The following TAC4 variants were observed in gnomAD, a reference collection of about 807,000 sequenced individuals.
TAC4 encodes the protein tachykinin-4.
TAC4 carries 17 observed loss-of-function variants against 17.7 expected under a neutral mutation model. That is an observed-to-expected ratio of 0.96 (90% CI 0.66 to 1.44). TAC4 has a LOEUF of 1.44. TAC4 is among the 40% of genes most tolerant of loss of function. The pLI is 0.00. For missense variants in TAC4, 118 were observed against 125.6 expected (o/e 0.94, Z 0.29); for synonymous variants, 62 against 52.4 (o/e 1.18, Z -0.79).
chr17:49,846,161 C>T lies in TAC4; in HGVS notation c.105+1752G>A, dbSNP rs561126511. ...CTCCGACAGGACTCCTGCCCCCAGC[C>T]GGAGCCCTCCATATCCATTTAACCC... On this transcript the variant is annotated intron_variant, in intron 1 of 4. Coordinates refer to ENST00000436235, the MANE Select transcript of TAC4 (RefSeq NM_001077506.2). The T allele has an allele frequency of 5.2e-5, 66 of 1,266,854 alleles. No homozygotes were observed. The Admixed American group carries it at 7.0e-4, about 13-fold the overall frequency. The allele number at this position is 1,266,854 out of a possible 1,614,324, so 78.5% of individuals were successfully genotyped here.
At chr17:49,840,651 C>T (rs539484085) in intron 3 of TAC4, among the ~76,000 whole-genome samples, 11 of 151,418 alleles carry the variant, frequency 7.3e-5, no homozygotes, top group South Asian at 2.1e-4. Context: ...GACAGGCACC[C>T]GCCACCACAC....
In TAC4 at chr17:49,838,628, TGTG is replaced by T; in HGVS notation, c.*11_*13del. On this transcript the variant is annotated 3_prime_UTR_variant, in exon 5 of 5. Transcript: ENST00000436235. The stretch of plus-strand genomic sequence containing the variant: ...GCGGCACCGTGTCCTCTGGGAAGTC[TGTG>T]GTGGGGGCTTTTACTCTGAACCTTG... 1 of 1,613,620 alleles carries T rather than the reference TGTG, an allele frequency of 6.2e-7. No homozygotes were observed. The highest frequency in any genetic ancestry group is 8.5e-7 in the Non-Finnish European group (1 of 1,179,814).
intron 3 of TAC4, 127 bp from the exon 4 acceptor site, chr17:49,840,036 G>A (rs2074485439): frequency 2.7e-6 from 2 of 749,906 alleles, no homozygotes; most frequent in South Asian, 3.8e-5. Flanking sequence ...TTGCAAATGG[G>A]ATCATTTCTC....
At chr17:49,845,642 A>G (rs1282108005) in intron 1 of TAC4, among the ~76,000 whole-genome samples, 2 of 152,174 alleles carry the variant, frequency 1.3e-5, no homozygotes, top group African/African-American at 4.8e-5. Flanking sequence ...GCCCTAGAGT[A>G]ATGCGAGCCG....
intron 1 of TAC4, chr17:49,847,110 T>A (rs1044306551): frequency 2.4e-5 from 31 of 1,289,738 alleles, no homozygotes; most frequent in Admixed American, 6.9e-5. Flanking sequence ...TCCGAGGACC[T>A]CATCGTGGCC....
chr17:49,846,937 G>A, intron 1 of TAC4: 6 of 1,284,676 alleles, frequency 4.7e-6, no homozygotes, highest in Non-Finnish European at 6.1e-6. Context: ...TGCAGGTGAG[G>A]AAACTGATGT....
intron 1 of TAC4, chr17:49,846,802 G>C (rs113905198): frequency 4.2e-6 from 2 of 471,752 alleles, no homozygotes; most frequent in Admixed American, 7.5e-5. Flanking sequence ...ATGGGGCTGC[G>C]TAGTGAGGCC....
intron 3 of TAC4, 109 bp downstream of exon 3, chr17:49,841,443 G>T: frequency 8.4e-7 from 1 of 1,188,670 alleles, no homozygotes; most frequent in Non-Finnish European, 1.1e-6. Flanking sequence ...TGCCAGCCTG[G>T]CTTGCCCCTG....
At chr17:49,840,063 G>A (rs1435119835) in intron 3 of TAC4, among the ~76,000 whole-genome samples, 154 bp from the exon 4 acceptor site, 1 of 152,232 alleles carries the variant, frequency 6.6e-6, no homozygotes, top group African/African-American at 2.4e-5. Context: ...CCCGAGAGGC[G>A]AGGAAACACC....
chr17:49,838,696 A>C (rs944618969), intron 4 of TAC4, 23 bp from the exon 5 acceptor site: 1 of 1,609,890 alleles, frequency 6.2e-7, no homozygotes, highest in Non-Finnish European at 8.5e-7. Flanking sequence ...TGGTATATGA[A>C]CCATGGTTAG....
rs77289806 is a variant in TAC4 at position 49,846,723 on chromosome 17, C to T, written c.105+1190G>A. Among the ~76,000 whole-genome samples the T allele has an allele frequency of 2.4e-3, 360 of 152,268 alleles. 2 individuals are homozygous for T. The highest frequency in any genetic ancestry group is 8.5e-3 in the African/African-American group (351 of 41,536). On this transcript the variant is annotated intron_variant, in intron 1 of 4. Transcript: ENST00000436235. ...GAGTGAAAGGAGAGTAAGGATTAGA[C>T]CCAGCTGCAGGATGAGGTGCTTTTG... is the stretch of plus-strand genomic sequence containing the variant.
intron 3 of TAC4, among the ~76,000 whole-genome samples, chr17:49,840,722 C>T (rs552632733): frequency 1.3e-5 from 2 of 151,918 alleles, no homozygotes; most frequent in East Asian, 3.9e-4. Flanking sequence ...AGGCTGGTCT[C>T]GAACTCCTGA....
chr17:49,847,672 CACACACACACACACACACAG>C (rs1168447450), intron 1 of TAC4: 25 of 294,838 alleles, frequency 8.5e-5, no homozygotes, highest in East Asian at 5.8e-4. Flanking sequence ...GTATTTCTTA[CACACACACACACACACACAG>C]ACACACACAC....
At chr17:49,847,884 C>T in intron 1 of TAC4, 29 bp downstream of exon 1, 1 of 1,613,614 alleles carries the variant, frequency 6.2e-7, no homozygotes, top group Middle Eastern at 1.7e-4. Context: ...AGAGCCTCTC[C>T]CCAAAAGTAC....
At chr17:49,841,376 A>T (rs1436725621) in intron 3 of TAC4, among the ~76,000 whole-genome samples, 176 bp downstream of exon 3, 1 of 151,818 alleles carries the variant, frequency 6.6e-6, no homozygotes, top group African/African-American at 2.4e-5. Flanking sequence ...CCTCTTAAGG[A>T]AACAACCAGA....
chr17:49,846,157 C>T lies in TAC4; in HGVS notation c.105+1756G>A, dbSNP rs547346335. 55 of 1,257,432 alleles carry T rather than the reference C, an allele frequency of 4.4e-5. No individual in the cohort carries two copies. In the East Asian group the frequency reaches 1.1e-3, roughly 26 times the overall value. 77.9% of individuals were successfully genotyped at this position (1,257,432 alleles called of 1,614,324 possible). A position where few individuals can be genotyped will look rare whatever the true frequency, so the allele number is the denominator to read the frequency against. On this transcript the variant is annotated intron_variant, in intron 1 of 4. Transcript: ENST00000436235. ...TTCACTCCGACAGGACTCCTGCCCCCAGCCGGAGCCCTCCATATCCATTTA... is the reference window on the plus strand; with the variant it reads ...TTCACTCCGACAGGACTCCTGCCCCTAGCCGGAGCCCTCCATATCCATTTA...
At chr17:49,844,586 C>T (rs902205322) in intron 1 of TAC4, among the ~76,000 whole-genome samples, 8 of 151,990 alleles carry the variant, frequency 5.3e-5, no homozygotes, top group South Asian at 2.1e-4. Context: ...GGTGAAACCC[C>T]GTCTCTAATA....
chr17:49,841,432 A>G (rs978688895), intron 3 of TAC4, 120 bp downstream of exon 3: 1 of 1,090,066 alleles, frequency 9.2e-7, no homozygotes, highest in South Asian at 1.9e-5. Flanking sequence ...CTGCACAGCA[A>G]TGCCAGCCTG....
At position 49,838,569 on chromosome 17, in the gene TAC4, C is replaced by T. The variant is rs917454319; in HGVS notation, c.*73G>A. 17 of 1,592,236 alleles carry T rather than the reference C, an allele frequency of 1.1e-5. No homozygotes were observed. Among genetic ancestry groups the T allele is most frequent in the Middle Eastern group, 1.7e-4 (1 of 6,014 alleles). On this transcript the variant is annotated 3_prime_UTR_variant, in exon 5 of 5. Transcript: ENST00000436235. ...GACACAGAGAAGAGAGTTGGCCTGC[C>T]GGCTTGTCAGCTGTGACATCCAGGT... is the stretch of plus-strand genomic sequence containing the variant.
Sources: gnomAD v4.1 joint callset for allele counts (sites outside exome capture counted in the v4.1 genomes callset) on GRCh38, gnomAD v4.1.1 for gene constraint, MANE v1.5 for transcripts, NCBI Gene and HGNC (gene_info 2026-07-23, HGNC 2026-07-21) for gene names.